TTC38: variants seen among roughly 807,000 people sequenced by gnomAD.
TTC38 encodes the protein tetratricopeptide repeat protein 38.
Under a neutral mutation model 64.2 loss-of-function variants are expected in TTC38, and 64 were observed. That is an observed-to-expected ratio of 1.00 (90% CI 0.81 to 1.23). The LOEUF is 1.23. Among genes scored for constraint, TTC38 ranks in the 50% most tolerant of loss-of-function variants. The pLI is 0.00. For missense variants in TTC38, 573 were observed against 615.5 expected (o/e 0.93, Z 0.73); for synonymous variants, 254 against 249.3 (o/e 1.02, Z -0.18).
rs1192810558 is a variant in TTC38 at position 46,276,895 on chromosome 22, G to A, written c.539+1474G>A. 6.8e-6 allele frequency among the ~76,000 whole-genome samples: 1 copy of A among 146,022 alleles called. No individual in the cohort carries two copies. The highest frequency in any genetic ancestry group is 2.6e-5 in the African/African-American group (1 of 39,090). On this transcript the variant is annotated intron_variant, in intron 5 of 13. Coordinates refer to ENST00000381031, the MANE Select transcript of TTC38 (RefSeq NM_017931.4). This position sits in a 1 kb window ranked among gnomAD's most constrained non-coding sequence, Gnocchi z 4.7. ...ACCGCAACACCTAGACTGGTGTTTC[G>A]CCAAACAGCTGAGCACCACGGGCCA...
In TTC38 at chr22:46,273,266, A is replaced by G. The variant is rs1437837977; in HGVS notation, c.194-632A>G. 1.3e-5 allele frequency among the ~76,000 whole-genome samples: 2 copies of G among 152,104 alleles called. No homozygotes were observed. Among genetic ancestry groups the G allele is most frequent in the Non-Finnish European group, 2.9e-5 (2 of 68,008 alleles). On this transcript the variant is annotated intron_variant, in intron 3 of 13. Transcript: ENST00000381031. This position sits in a 1 kb window ranked among gnomAD's most constrained non-coding sequence, Gnocchi z 5.1. The stretch of plus-strand genomic sequence containing the variant: ...GCTGGGCTCGACCATCGGAATCACC[A>G]GCTGTTTTCCAGGGTCCACATGGGT...
At chr22:46,269,609 T>A (rs888233654) in intron 2 of TTC38, among the ~76,000 whole-genome samples, 4 of 152,214 alleles carry the variant, frequency 2.6e-5, no homozygotes, top group African/African-American at 9.7e-5. Flanking sequence ...AGGTAGCTCT[T>A]AGAAGCCTAC....
At chr22:46,284,109 A>G in intron 8 of TTC38, 77 bp downstream of exon 8, 3 of 1,241,422 alleles carry the variant, frequency 2.4e-6, no homozygotes, top group Admixed American at 1.9e-5. Flanking sequence ...AGCTTTTGCT[A>G]TGTATTCACA....
Position 46,272,082 on chromosome 22 carries a change from C to T in TTC38, c.112-253C>T, listed in dbSNP as rs1462828018. Among the ~76,000 whole-genome samples, 1 of 152,072 alleles carries T rather than the reference C, an allele frequency of 6.6e-6. No individual in the cohort carries two copies. The highest frequency in any genetic ancestry group is 1.5e-5 in the Non-Finnish European group (1 of 68,020). Reference sequence around the variant, plus strand: ...TCTTGGCTCATTGCAACCTCAGCCCCCGGGTTCAAGTGATTCTCATGCCTC... The same window carrying T: ...TCTTGGCTCATTGCAACCTCAGCCCTCGGGTTCAAGTGATTCTCATGCCTC... On this transcript the variant is annotated intron_variant, in intron 2 of 13. Coordinates refer to ENST00000381031, the MANE Select transcript of TTC38 (RefSeq NM_017931.4). The surrounding 1 kb of genome is among the most constrained non-coding windows in gnomAD (Gnocchi z 6.4).
rs2077616499 is a variant in TTC38, at chr22:46,291,627, G to A, written c.1317-1164G>A. 6.6e-6 allele frequency among the ~76,000 whole-genome samples: 1 copy of A among 152,282 alleles called. No homozygotes were observed. Among genetic ancestry groups the A allele is most frequent in the East Asian group, 1.9e-4 (1 of 5,176 alleles). On this transcript the variant is annotated intron_variant, in intron 13 of 13. Transcript: ENST00000381031. The surrounding 1 kb of genome is among the most constrained non-coding windows in gnomAD (Gnocchi z 4.6). ...AACCACTGTTTTCAGGTGTTTGGGG[G>A]CTGTCTTAGTCAGTTTGGGTTGTTA...
At chr22:46,269,194 G>T (rs1335497768) in intron 2 of TTC38, 2 of 369,986 alleles carry the variant, frequency 5.4e-6, no homozygotes, top group South Asian at 2.0e-5. Context: ...GTTTTTTGAG[G>T]ATGCTGGCCT....
chr22:46,285,971 C>T (rs192844597), intron 9 of TTC38, among the ~76,000 whole-genome samples: 43 of 141,942 alleles, frequency 3.0e-4, no homozygotes, highest in Non-Finnish European at 5.2e-4. Context: ...GCCAAGATCA[C>T]GCTACTGCAC....
At position 46,268,554 on chromosome 22, in the gene TTC38, A is replaced by G. The variant is rs770077600; in HGVS notation, c.74A>G (p.Asn25Ser). The G allele has an allele frequency of 5.0e-6, 8 of 1,613,980 alleles. No individual in the cohort carries two copies. The Admixed American group carries it at 1.3e-4, about 27-fold the overall frequency. The change falls in exon 2 of 14, where the codon AAC (asparagine) becomes AGC (serine). Residue 25 changes from asparagine (N) to serine (S), a missense_variant. Coordinates refer to ENST00000381031, the MANE Select transcript of TTC38 (RefSeq NM_017931.4). ...DARLPLSTTS[N>S]EACKLFDATL... ...AGGCTCCCGCTCTCCACCACAAGCAACGAAGCCTGCAAGCTGTTCGATGCC... is the reference window on the plus strand; with the variant it reads ...AGGCTCCCGCTCTCCACCACAAGCAGCGAAGCCTGCAAGCTGTTCGATGCC...
rs1237331724 is a variant in TTC38 at position 46,292,865 on chromosome 22, C to T, written c.1391C>T (p.Thr464Ile). The T allele has an allele frequency of 2.0e-5, 33 of 1,613,678 alleles. No homozygotes were observed. The highest frequency in any genetic ancestry group is 2.7e-5 in the Non-Finnish European group (32 of 1,179,804). ...GAGCGGCTCATCCGCAAGGCAGCTA[C>T]CGTCCACCTCATGCAGTGAGCCAGC... ...LTERLIRKAA[T>I]VHLMQ is the part of the protein sequence containing the mutation. Residue 464 changes from threonine to isoleucine, a missense_variant, in exon 14 of 14, where the codon ACC becomes ATC. Thr to Ile is a moderately conservative substitution (Grantham distance 89, BLOSUM62 -1). This residue lies in a region of TTC38 where 371 missense variants were observed against 381.8 expected (regional missense o/e 0.97). Coordinates refer to ENST00000381031, the MANE Select transcript of TTC38 (RefSeq NM_017931.4). The surrounding 1 kb of genome is among the most constrained non-coding windows in gnomAD (Gnocchi z 6.5).
At chr22:46,283,293 G>A (rs954897647) in intron 7 of TTC38, among the ~76,000 whole-genome samples, 5 of 152,116 alleles carry the variant, frequency 3.3e-5, no homozygotes, top group African/African-American at 7.2e-5. Flanking sequence ...CATGGGCCTC[G>A]CACCTCCCTG....
intron 8 of TTC38, among the ~76,000 whole-genome samples, chr22:46,285,031 T>G (rs2077561615): frequency 6.6e-6 from 1 of 152,112 alleles, no homozygotes; most frequent in African/African-American, 2.4e-5. Flanking sequence ...TGCTGTGCTT[T>G]CTACACTGGG....
rs549047108 is a variant in TTC38 at position 46,292,102 on chromosome 22, A to G, written c.1317-689A>G. 8.3e-6 allele frequency: 3 copies of G among 360,552 alleles called. No homozygotes were observed. Among genetic ancestry groups the G allele is most frequent in the Middle Eastern group, 5.1e-4 (1 of 1,962 alleles). 22.3% of individuals were successfully genotyped at this position (360,552 alleles called of 1,614,324 possible). A position where few individuals can be genotyped will look rare whatever the true frequency, so the allele number is the denominator to read the frequency against. ...AGGCCTCTCTTCCTGGCTTGTGGAC[A>G]GCCACTTTCTTGCTGTGTCCTCACA... On this transcript the variant is annotated intron_variant, in intron 13 of 13. Coordinates refer to ENST00000381031, the MANE Select transcript of TTC38 (RefSeq NM_017931.4). The surrounding 1 kb of genome is among the most constrained non-coding windows in gnomAD (Gnocchi z 6.5).
In TTC38 at chr22:46,274,435, A is replaced by G. The variant is rs955306077; in HGVS notation, c.365+366A>G. Among the ~76,000 whole-genome samples, 1 of 152,106 alleles carries G rather than the reference A, an allele frequency of 6.6e-6. No homozygotes were observed. The highest frequency in any genetic ancestry group is 2.4e-5 in the African/African-American group (1 of 41,390). The stretch of plus-strand genomic sequence containing the variant: ...AGTGAGAAATAAACAATCAAATCAA[A>G]TCTTCACCCATAAGTTCCTTGCTCT... On this transcript the variant is annotated intron_variant, in intron 4 of 13. Transcript: ENST00000381031. The surrounding 1 kb of genome is among the most constrained non-coding windows in gnomAD (Gnocchi z 4.8).
chr22:46,268,175 T>C, intron 1 of TTC38, 103 bp downstream of exon 1: 1 of 1,337,364 alleles, frequency 7.5e-7, no homozygotes, highest in Non-Finnish European at 1.0e-6. Context: ...GCGCGGGGCG[T>C]GGGGTGAGCC....
At chr22:46,283,921 T>C in intron 7 of TTC38, 52 bp from the exon 8 acceptor site, 2 of 1,288,708 alleles carry the variant, frequency 1.6e-6, no homozygotes, top group South Asian at 1.3e-5. Flanking sequence ...TTTGTTTTTT[T>C]CCCATAGGCC....
At chr22:46,280,009 G>A (rs2077521890) in intron 6 of TTC38, 1 of 411,690 alleles carries the variant, frequency 2.4e-6, no homozygotes, top group South Asian at 1.8e-5. Context: ...AAGAAGTGGT[G>A]GATAGGGTCC....
At chr22:46,284,809 C>T (rs1036483283) in intron 8 of TTC38, among the ~76,000 whole-genome samples, 1 of 128,108 alleles carries the variant, frequency 7.8e-6, no homozygotes, top group Non-Finnish European at 1.5e-5. Flanking sequence ...GCGGAGGTTA[C>T]AGTGAGCCGA....
chr22:46,285,908 G>A (rs893076992), intron 9 of TTC38, among the ~76,000 whole-genome samples: 2 of 150,136 alleles, frequency 1.3e-5, no homozygotes, highest in African/African-American at 2.5e-5. Context: ...CCAGCTACTC[G>A]GGGGGCTGAG....
intron 6 of TTC38, among the ~76,000 whole-genome samples, chr22:46,278,943 G>C (rs1160181318): frequency 6.6e-6 from 1 of 152,252 alleles, no homozygotes; most frequent in Non-Finnish European, 1.5e-5. Flanking sequence ...CCTGTGGTCA[G>C]CCTGCTCACT....
Sources: gnomAD v4.1 joint callset for allele counts (sites outside exome capture counted in the v4.1 genomes callset) on GRCh38, gnomAD v4.1.1 for gene constraint, gnomAD v4.1.1 regional missense constraint, Gnocchi (gnomAD v3.1) non-coding constraint, MANE v1.5 for transcripts, NCBI Gene and HGNC (gene_info 2026-07-23, HGNC 2026-07-21) for gene names.